Variants in ARK2N observed in about 807,000 individuals in gnomAD.
ARK2N encodes protein ARK2N.
At chr18:46,239,867 A>G in the ARK2N span, 1 of 774,510 alleles carries the variant, frequency 1.3e-6, no homozygotes, top group South Asian at 1.8e-5. Context: ...TTTGTACAAA[A>G]TATTAGATCT....
chr18:46,214,571 C>T, the ARK2N span, among the ~76,000 whole-genome samples: 1 of 152,116 alleles, frequency 6.6e-6, no homozygotes, highest in African/African-American at 2.4e-5. Context: ...AACCTGTTGA[C>T]AATGTTAAGT....
At chr18:46,258,792 A>G in the ARK2N span, among the ~76,000 whole-genome samples, 1 of 152,206 alleles carries the variant, frequency 6.6e-6, no homozygotes, top group Non-Finnish European at 1.5e-5. Context: ...ATATGTGATA[A>G]TACATGAAAC....
At chr18:46,202,602 A>G in the ARK2N span, among the ~76,000 whole-genome samples, 18 of 152,218 alleles carry the variant, frequency 1.2e-4, 1 homozygote, top group East Asian at 3.1e-3. Context: ...AGCCTGACCA[A>G]CGTAGCGAAA....
At chr18:46,241,999 G>T in the ARK2N span, among the ~76,000 whole-genome samples, 1 of 151,984 alleles carries the variant, frequency 6.6e-6, no homozygotes, top group African/African-American at 2.4e-5. Flanking sequence ...TGTAGAAATG[G>T]GGTTTTACCA....
chr18:46,181,489 C>T, the ARK2N span, among the ~76,000 whole-genome samples: 1 of 146,206 alleles, frequency 6.8e-6, no homozygotes, highest in South Asian at 2.2e-4. Context: ...GCTGAGGCGG[C>T]GGATCATGAG....
chr18:46,254,355 T>C, the ARK2N span, among the ~76,000 whole-genome samples: 1 of 152,234 alleles, frequency 6.6e-6, no homozygotes, highest in Non-Finnish European at 1.5e-5. Context: ...GGAGTCTTTT[T>C]TCTTAGGATT....
the ARK2N span, among the ~76,000 whole-genome samples, chr18:46,207,535 G>A: frequency 3.3e-5 from 5 of 151,886 alleles, no homozygotes; most frequent in Admixed American, 2.0e-4. Context: ...GATTACAGGC[G>A]CATGCCACAG....
the ARK2N span, among the ~76,000 whole-genome samples, chr18:46,221,260 TA>T: frequency 6.6e-6 from 1 of 151,766 alleles, no homozygotes; most frequent in African/African-American, 2.4e-5. Flanking sequence ...AGAAGAATGA[TA>T]TCTTGCTGGT....
At chr18:46,181,743 T>A in the ARK2N span, among the ~76,000 whole-genome samples, 1 of 152,032 alleles carries the variant, frequency 6.6e-6, no homozygotes, top group Non-Finnish European at 1.5e-5. Flanking sequence ...AGAATTGTGC[T>A]TGGGTAGTCT....
At chr18:46,236,201 TG>T in the ARK2N span, among the ~76,000 whole-genome samples, 1 of 152,166 alleles carries the variant, frequency 6.6e-6, no homozygotes, top group Non-Finnish European at 1.5e-5. Flanking sequence ...ATAGTAGAAA[TG>T]GGGTTTTGCT....
chr18:46,212,824 A>G, the ARK2N span, among the ~76,000 whole-genome samples: 4 of 152,214 alleles, frequency 2.6e-5, no homozygotes, highest in East Asian at 3.9e-4. Context: ...CAAGCGTTGT[A>G]TGGTCATTTT....
the ARK2N span, among the ~76,000 whole-genome samples, chr18:46,182,610 C>T: frequency 6.6e-6 from 1 of 150,998 alleles, no homozygotes; most frequent in African/African-American, 2.4e-5. Context: ...ATTAAAAGAA[C>T]CTCTGTTTTA....
the ARK2N span, among the ~76,000 whole-genome samples, chr18:46,199,042 A>T: frequency 6.6e-6 from 1 of 152,334 alleles, no homozygotes; most frequent in South Asian, 2.1e-4. Context: ...TGAGATGGGA[A>T]ATATGGAACC....
the ARK2N span, among the ~76,000 whole-genome samples, chr18:46,225,668 G>T: frequency 6.6e-6 from 1 of 152,220 alleles, no homozygotes; most frequent in South Asian, 2.1e-4. Flanking sequence ...CACTATGTTG[G>T]TCAAGCTGGT....
the ARK2N span, among the ~76,000 whole-genome samples, chr18:46,184,958 A>G: frequency 6.6e-6 from 1 of 152,218 alleles, no homozygotes; most frequent in Non-Finnish European, 1.5e-5. Context: ...TTCTAAATGT[A>G]AGGAAACAGC....
the ARK2N span, chr18:46,266,609 A>G: frequency 1.3e-5 from 2 of 152,658 alleles, no homozygotes; most frequent in African/African-American, 4.8e-5. Flanking sequence ...TACAGAGGCC[A>G]TTGAAGCCTT....
chr18:46,239,570 CTT>C, the ARK2N span, among the ~76,000 whole-genome samples: 5 of 152,102 alleles, frequency 3.3e-5, no homozygotes, highest in Admixed American at 1.3e-4. Flanking sequence ...CTACTAGAGA[CTT>C]TTTATATTAC....
At chr18:46,187,192 GA>G in the ARK2N span, among the ~76,000 whole-genome samples, 1 of 149,602 alleles carries the variant, frequency 6.7e-6, no homozygotes. Context: ...TGAGACAGGA[GA>G]ATCGCTTGAA....
chr18:46,187,571 A>T, the ARK2N span, among the ~76,000 whole-genome samples: 1 of 151,974 alleles, frequency 6.6e-6, no homozygotes, highest in Admixed American at 6.6e-5. Flanking sequence ...TGAACTCCCT[A>T]CCTCAGGTGA....
Sources: gnomAD v4.1 joint callset for allele counts (sites outside exome capture counted in the v4.1 genomes callset) on GRCh38, gnomAD v4.1.1 for gene constraint, MANE v1.5 for transcripts, NCBI Gene and HGNC (gene_info 2026-07-23, HGNC 2026-07-21) for gene names.